ZFPM1: variants seen among roughly 807,000 people sequenced by gnomAD.
ZFPM1 encodes zinc finger protein ZFPM1.
ZFPM1 carries 28 observed loss-of-function variants against 46.3 expected under a neutral mutation model. That is an observed-to-expected ratio of 0.60 (90% CI 0.45 to 0.83). The LOEUF (loss-of-function observed/expected upper bound fraction) is 0.83. Among genes scored for constraint, ZFPM1 ranks in the 40% least tolerant of loss-of-function variants. The pLI, the probability that ZFPM1 is intolerant of heterozygous loss-of-function variation, is 0.00. For missense variants in ZFPM1, 1,878 were observed against 1,432.4 expected (o/e 1.31, Z -5.02); for synonymous variants, 957 against 675.9 (o/e 1.42, Z -6.45).
chr16:88,496,826 C>T (rs1436228213), intron 3 of ZFPM1, among the ~76,000 whole-genome samples: 1 of 152,208 alleles, frequency 6.6e-6, no homozygotes, highest in Admixed American at 6.5e-5. Flanking sequence ...GGGTCTCTCA[C>T]GTCTGGCAGC....
intron 3 of ZFPM1, among the ~76,000 whole-genome samples, chr16:88,490,999 A>ACAGGCGCTGGTGCCTTCGGGGGTCTCGGT (rs1567536398): frequency 6.8e-6 from 1 of 147,814 alleles, no homozygotes. Flanking sequence ...CGGGGGTCAG[A>ACAGGCGCTGGTGCCTTCGGGGGTCTCGGT]CAGGCGCTGG....
chr16:88,482,670 G>A (rs1033743750), intron 1 of ZFPM1, among the ~76,000 whole-genome samples: 1 of 152,178 alleles, frequency 6.6e-6, no homozygotes, highest in South Asian at 2.1e-4. Context: ...GGTCCCCGAA[G>A]TCCCTGAAGG....
In ZFPM1 at chr16:88,533,689, T is replaced by A. The variant is rs1352146144; in HGVS notation, c.1731T>A (p.Ala577=). 6.7e-7 allele frequency: 1 copy of A among 1,502,830 alleles called. No individual in the cohort carries two copies. Among genetic ancestry groups the A allele is most frequent in the Non-Finnish European group, 8.9e-7 (1 of 1,120,718 alleles). 93.1% of individuals were successfully genotyped at this position (1,502,830 alleles called of 1,614,324 possible). ...TCTTCCCCGGGGCCCCCAAGGGCGC[T>A]ACGTGCTTCGAGTGCGAGATCACCT... ...TGLFPGAPKG[A]TCFECEITFS... is the part of the protein sequence containing the mutation. Residue 577 remains alanine, a synonymous_variant, in exon 10 of 10, where the codon GCT becomes GCA. Coordinates refer to ENST00000319555, the MANE Select transcript of ZFPM1 (RefSeq NM_153813.3).
intron 3 of ZFPM1, among the ~76,000 whole-genome samples, chr16:88,501,335 G>T (rs1267412342): frequency 3.1e-4 from 15 of 48,888 alleles, no homozygotes; most frequent in African/African-American, 8.1e-4. Flanking sequence ...ACATGGGTGC[G>T]GGGCCCTCCC....
intron 4 of ZFPM1, among the ~76,000 whole-genome samples, chr16:88,519,048 A>AGATG (rs371844825): frequency 0.23 from 25,099 of 107,694 alleles, 2,901 homozygotes; most frequent in East Asian, 0.33. Context: ...GTGGATGGAT[A>AGATG]GATGGATGGA....
chr16:88,453,064 G>A (rs372572263), upstream of ZFPM1, among the ~76,000 whole-genome samples: 2 of 151,190 alleles, frequency 1.3e-5, no homozygotes, highest in Non-Finnish European at 3.0e-5. Context: ...AGCCAGCGCC[G>A]TAAAGAGCGA....
intron 3 of ZFPM1, among the ~76,000 whole-genome samples, chr16:88,499,885 G>T (rs1461901591): frequency 6.6e-6 from 1 of 152,106 alleles, no homozygotes; most frequent in Non-Finnish European, 1.5e-5. Context: ...CCCCTCCTCG[G>T]CCCCATGCCA....
chr16:88,491,702 G>A (rs1002899074), intron 3 of ZFPM1, among the ~76,000 whole-genome samples: 2 of 152,224 alleles, frequency 1.3e-5, no homozygotes, highest in Admixed American at 6.5e-5. Flanking sequence ...GCACACCCCC[G>A]AGCTTCCTGT....
At chr16:88,528,727 G>C (rs558074663) in intron 6 of ZFPM1, among the ~76,000 whole-genome samples, 2 of 116,186 alleles carry the variant, frequency 1.7e-5, no homozygotes, top group African/African-American at 2.8e-5. Flanking sequence ...CAAGACATCT[G>C]TTGGTTGGGT....
At chr16:88,479,634 G>A (rs1039418120) in intron 1 of ZFPM1, among the ~76,000 whole-genome samples, 49 of 152,038 alleles carry the variant, frequency 3.2e-4, no homozygotes, top group African/African-American at 1.2e-3. Flanking sequence ...TCTGTTATCA[G>A]GGCCTTATCT....
At chr16:88,489,782 T>C (rs1173725364) in intron 3 of ZFPM1, among the ~76,000 whole-genome samples, 1 of 152,252 alleles carries the variant, frequency 6.6e-6, no homozygotes. Flanking sequence ...TCGGGGACTG[T>C]GAATTCCATT....
chr16:88,499,305 T>C (rs1049009166), intron 3 of ZFPM1, among the ~76,000 whole-genome samples: 2 of 152,240 alleles, frequency 1.3e-5, no homozygotes, highest in Non-Finnish European at 2.9e-5. Context: ...TTCCATTTAT[T>C]GAGCACAAGC....
Position 88,480,575 on chromosome 16 carries a change from C to T in ZFPM1, c.41-5364C>T, listed in dbSNP as rs542220563. Among the ~76,000 whole-genome samples the T allele has an allele frequency of 1.6e-3, 239 of 152,322 alleles. 2 individuals carry two copies. The highest frequency in any genetic ancestry group is 3.7e-3 in the African/African-American group (155 of 41,580). On this transcript the variant is annotated intron_variant, in intron 1 of 9. Coordinates refer to ENST00000319555, the MANE Select transcript of ZFPM1 (RefSeq NM_153813.3). This position sits in a 1 kb window ranked among gnomAD's most constrained non-coding sequence, Gnocchi z 4.9. The stretch of plus-strand genomic sequence containing the variant: ...CCTCTAGACCAAGAATGAGAGAACT[C>T]CCAAGAGAGGCCAGCATAGGCGCCT...
At chr16:88,505,872 GC>G (rs1166162361) in intron 3 of ZFPM1, among the ~76,000 whole-genome samples, 3 of 152,008 alleles carry the variant, frequency 2.0e-5, no homozygotes, top group African/African-American at 7.2e-5. Flanking sequence ...CGCCGGCAGG[GC>G]CCCCCCATGG....
Position 88,475,371 on chromosome 16 carries a change from C to T in ZFPM1, c.41-10568C>T, listed in dbSNP as rs1908629557. 2.0e-5 allele frequency among the ~76,000 whole-genome samples: 3 copies of T among 152,262 alleles called. No individual in the cohort carries two copies. The South Asian group carries it at 6.2e-4, about 32-fold the overall frequency. ...GAAGGTGTGGGACCGGGAAGGGCCT[C>T]GCTGAGCTGTGATCCTCCTATGACG... On this transcript the variant is annotated intron_variant, in intron 1 of 9. Coordinates refer to ENST00000319555, the MANE Select transcript of ZFPM1 (RefSeq NM_153813.3).
intron 4 of ZFPM1, among the ~76,000 whole-genome samples, chr16:88,526,072 G>GCTGAT: frequency 6.6e-6 from 1 of 152,328 alleles, no homozygotes; most frequent in African/African-American, 2.4e-5. Flanking sequence ...GGGGGCCAGG[G>GCTGAT]CCGATCCAAC....
At chr16:88,458,229 C>T (rs1458387649) in intron 1 of ZFPM1, among the ~76,000 whole-genome samples, 1 of 152,226 alleles carries the variant, frequency 6.6e-6, no homozygotes, top group African/African-American at 2.4e-5. Flanking sequence ...TGCCCTGCCA[C>T]CCTGAGCCTC....
intron 2 of ZFPM1, 84 bp from the exon 3 acceptor site, chr16:88,488,947 C>T: frequency 2.6e-6 from 4 of 1,532,268 alleles, no homozygotes; most frequent in South Asian, 2.5e-5. Flanking sequence ...GCGCCCAGCG[C>T]CTCAGCATCC....
chr16:88,499,890 A>G (rs1378304175), intron 3 of ZFPM1, among the ~76,000 whole-genome samples: 1 of 152,028 alleles, frequency 6.6e-6, no homozygotes, highest in Non-Finnish European at 1.5e-5. Flanking sequence ...CCTCGGCCCC[A>G]TGCCAGCAGA....
Sources: gnomAD v4.1 joint callset for allele counts (sites outside exome capture counted in the v4.1 genomes callset) on GRCh38, gnomAD v4.1.1 for gene constraint, Gnocchi (gnomAD v3.1) non-coding constraint, MANE v1.5 for transcripts, NCBI Gene and HGNC (gene_info 2026-07-23, HGNC 2026-07-21) for gene names.